Variants in PCDHA5 observed in about 807,000 individuals in gnomAD.
PCDHA5 encodes protocadherin alpha-5.
Under a neutral mutation model 61.6 loss-of-function variants are expected in PCDHA5, and 43 were observed. That is an observed-to-expected ratio of 0.70 (90% CI 0.55 to 0.90). The LOEUF is 0.90. PCDHA5 is among the 40% of genes least tolerant of loss of function. The pLI is 0.00. For synonymous variants in PCDHA5, 627 were observed against 543.9 expected (o/e 1.15, Z -2.13); for missense variants, 1,298 against 1,222.7 (o/e 1.06, Z -0.92).
At chr5:140,914,695 A>T (rs970720014) in intron 1 of PCDHA5, among the ~76,000 whole-genome samples, 1 of 151,978 alleles carries the variant, frequency 6.6e-6, no homozygotes, top group African/African-American at 2.4e-5. Context: ...CTCTGGTGGT[A>T]TGATTTAATT....
intron 2 of PCDHA5, among the ~76,000 whole-genome samples, chr5:140,980,472 A>G (rs782408123): frequency 6.6e-6 from 1 of 152,210 alleles, no homozygotes; most frequent in Non-Finnish European, 1.5e-5. Context: ...TCTACTAAAA[A>G]TACAAAAATT....
chr5:140,930,859 G>GAT lies in PCDHA5; in HGVS notation c.2353-48089_2353-48088dup, dbSNP rs1554208143. On this transcript the variant is annotated intron_variant, in intron 1 of 3. Transcript: ENST00000529859. ...AATAAATATGTGCATATATGAATTG[G>GAT]ATGGTAACACTGTTCAACACAGAGG... Among the ~76,000 whole-genome samples, 803 of 152,288 alleles carry GAT rather than the reference G, an allele frequency of 5.3e-3. 3 individuals are homozygous for GAT. Among genetic ancestry groups the GAT allele is most frequent in the Non-Finnish European group, 8.4e-3 (568 of 68,020 alleles).
chr5:140,948,705 T>C (rs1585306851), intron 1 of PCDHA5, among the ~76,000 whole-genome samples: 1 of 151,580 alleles, frequency 6.6e-6, no homozygotes, highest in African/African-American at 2.4e-5. Context: ...ATTTGTGTTC[T>C]ATCCTCTTTT....
Position 140,829,281 on chromosome 5 carries a change from T to C in PCDHA5, c.2352+5154T>C, listed in dbSNP as rs2150165125. 4 of 1,614,256 alleles carry C rather than the reference T, an allele frequency of 2.5e-6. No individual in the cohort carries two copies. The South Asian group carries it at 4.4e-5, about 18-fold the overall frequency. ...CTGACGCCTCACGTCCCTTTCAAGCTGGTGTCCACCTTCAAGAATTACTAC... is the reference window on the plus strand; with the variant it reads ...CTGACGCCTCACGTCCCTTTCAAGCCGGTGTCCACCTTCAAGAATTACTAC... On this transcript the variant is annotated intron_variant, in intron 1 of 3. Coordinates refer to ENST00000529859, the MANE Select transcript of PCDHA5 (RefSeq NM_018908.3).
intron 1 of PCDHA5, chr5:140,828,742 G>T (rs2150158516): frequency 5.0e-6 from 8 of 1,614,208 alleles, no homozygotes; most frequent in Non-Finnish European, 5.9e-6. Context: ...CCACAGATGG[G>T]GGCAAACCTG....
intron 3 of PCDHA5, among the ~76,000 whole-genome samples, chr5:140,984,589 T>C (rs2097109638): frequency 6.6e-6 from 1 of 152,186 alleles, no homozygotes; most frequent in Non-Finnish European, 1.5e-5. Flanking sequence ...ATCATACTTT[T>C]CAATACATAC....
At chr5:140,861,267 A>G (rs1251447795) in intron 1 of PCDHA5, 4 of 174,546 alleles carry the variant, frequency 2.3e-5, no homozygotes, top group African/African-American at 9.5e-5. Context: ...CGGAGCCTAC[A>G]GCACTGGCTT....
At chr5:140,960,488 GT>G (rs1373763536) in intron 1 of PCDHA5, among the ~76,000 whole-genome samples, 4 of 152,150 alleles carry the variant, frequency 2.6e-5, no homozygotes, top group African/African-American at 9.7e-5. Flanking sequence ...AGAGGTGTAG[GT>G]TTGTTTGTTC....
chr5:141,003,453 A>T (rs2098125483), intron 3 of PCDHA5, among the ~76,000 whole-genome samples: 1 of 152,126 alleles, frequency 6.6e-6, no homozygotes, highest in East Asian at 1.9e-4. Flanking sequence ...ATGAAATTAC[A>T]GGCGTGCACC....
intron 1 of PCDHA5, among the ~76,000 whole-genome samples, chr5:140,960,408 A>C (rs1006586468): frequency 6.6e-6 from 1 of 152,206 alleles, no homozygotes; most frequent in Admixed American, 6.5e-5. Flanking sequence ...GGGGGTGCCC[A>C]AAAAGTCAAC....
intron 3 of PCDHA5, among the ~76,000 whole-genome samples, chr5:141,007,036 A>G (rs1018909399): frequency 4.6e-5 from 7 of 152,200 alleles, no homozygotes; most frequent in African/African-American, 1.4e-4. Context: ...ATTTATATCT[A>G]TGGATATGGC....
chr5:140,955,036 T>C (rs2095128891), intron 1 of PCDHA5, among the ~76,000 whole-genome samples: 1 of 152,210 alleles, frequency 6.6e-6, no homozygotes, highest in Non-Finnish European at 1.5e-5. Context: ...AGGGAATCTT[T>C]TCCTCATTGC....
chr5:140,852,296 G>C, intron 1 of PCDHA5: 1 of 460,598 alleles, frequency 2.2e-6, no homozygotes, highest in South Asian at 9.2e-5. Flanking sequence ...TTATTTTTCT[G>C]AGACGGAGTC....
At chr5:140,989,565 G>A (rs782538666) in intron 3 of PCDHA5, among the ~76,000 whole-genome samples, 12 of 152,134 alleles carry the variant, frequency 7.9e-5, no homozygotes, top group South Asian at 4.1e-4. Context: ...TTGTGGCTCC[G>A]GCAAGCCCTG....
chr5:140,905,617 G>T (rs1019062717), intron 1 of PCDHA5, among the ~76,000 whole-genome samples: 8 of 152,116 alleles, frequency 5.3e-5, no homozygotes, highest in Non-Finnish European at 1.5e-5. Context: ...TCTATAGATT[G>T]CTTTTGACAG....
chr5:140,884,818 T>C (rs1298208791), intron 1 of PCDHA5: 1 of 1,050,614 alleles, frequency 9.5e-7, no homozygotes, highest in Non-Finnish European at 1.3e-6. Context: ...CTGTGGACAT[T>C]ATGTGTTGGA....
chr5:140,852,721 T>G (rs2042450982), intron 1 of PCDHA5: 1 of 982,810 alleles, frequency 1.0e-6, no homozygotes, highest in South Asian at 4.8e-5. Flanking sequence ...TTTGCACGTT[T>G]TTCAAGTTTC....
chr5:140,980,239 A>G (rs1453927657), intron 2 of PCDHA5, among the ~76,000 whole-genome samples: 1 of 152,230 alleles, frequency 6.6e-6, no homozygotes, highest in Non-Finnish European at 1.5e-5. Flanking sequence ...TGGTGGAGAC[A>G]TGCAATGGGT....
At chr5:140,850,403 C>T (rs1554144277) in intron 1 of PCDHA5, 5 of 1,597,838 alleles carry the variant, frequency 3.1e-6, no homozygotes, top group African/African-American at 2.7e-5. Flanking sequence ...CAACGCGTGC[C>T]CTGGACGAAA....
Sources: allele counts gnomAD v4.1 joint callset (sites outside exome capture counted in the v4.1 genomes callset), GRCh38; gene constraint gnomAD v4.1.1; transcripts MANE v1.5; gene names NCBI Gene and HGNC (gene_info 2026-07-23, HGNC 2026-07-21).